The following KCNE1 variants were observed in gnomAD, a reference collection of about 807,000 sequenced individuals.
The protein encoded by KCNE1 is potassium voltage-gated channel subfamily E member 1.
In KCNE1, 1 loss-of-function variant was observed where a neutral mutation model predicts 2.9. That is an observed-to-expected ratio of 0.34 (90% CI 0.12 to 1.62). KCNE1 has a LOEUF of 1.62. Ranked by LOEUF, KCNE1 falls within the 40% of genes most tolerant of loss-of-function variation. KCNE1 has a pLI of 0.36. For synonymous variants in KCNE1, 23 were observed against 65.4 expected (o/e 0.35, Z 3.13); for missense variants, 45 against 150.5 (o/e 0.30, Z 3.67).
intron 2 of KCNE1, among the ~76,000 whole-genome samples, chr21:34,503,376 A>T (rs1269637383): frequency 6.6e-6 from 1 of 152,104 alleles, no homozygotes; most frequent in African/African-American, 2.4e-5. Flanking sequence ...CCTCCTAGGG[A>T]CCACCCTCCA....
intron 1 of KCNE1, among the ~76,000 whole-genome samples, chr21:34,511,536 G>A (rs532976484): frequency 6.6e-6 from 1 of 150,480 alleles, no homozygotes; most frequent in South Asian, 2.1e-4. Context: ...GCCAGATGTG[G>A]CCCCTCCATC....
intron 2 of KCNE1, among the ~76,000 whole-genome samples, chr21:34,499,271 C>A (rs956374712): frequency 6.6e-6 from 1 of 152,228 alleles, no homozygotes; most frequent in Non-Finnish European, 1.5e-5. Flanking sequence ...TATCTCTGGG[C>A]AGCTTATGCT....
At chr21:34,501,790 C>G (rs1983184469) in intron 2 of KCNE1, among the ~76,000 whole-genome samples, 1 of 152,176 alleles carries the variant, frequency 6.6e-6, no homozygotes, top group African/African-American at 2.4e-5. Context: ...TGATCTCACC[C>G]CTAGCAGGCC....
intron 2 of KCNE1, among the ~76,000 whole-genome samples, chr21:34,502,213 G>C (rs933484995): frequency 6.6e-6 from 1 of 152,062 alleles, no homozygotes; most frequent in East Asian, 1.9e-4. Flanking sequence ...TTGGTAGAAG[G>C]GTAGTCTACT....
intron 2 of KCNE1, among the ~76,000 whole-genome samples, chr21:34,507,117 T>G (rs1045036871): frequency 6.6e-6 from 1 of 152,216 alleles, no homozygotes; most frequent in Non-Finnish European, 1.5e-5. Flanking sequence ...GAAGACTTGA[T>G]GCTTTCAAAA....
intron 2 of KCNE1, among the ~76,000 whole-genome samples, chr21:34,496,748 G>A (rs1158860800): frequency 6.6e-6 from 1 of 152,084 alleles, no homozygotes; most frequent in Non-Finnish European, 1.5e-5. Context: ...ATCTAGTGCT[G>A]TCAGTGGAGT....
At chr21:34,507,326 A>G (rs914037855) in intron 2 of KCNE1, among the ~76,000 whole-genome samples, 1 of 152,210 alleles carries the variant, frequency 6.6e-6, no homozygotes, top group African/African-American at 2.4e-5. Context: ...TTTTATGGCC[A>G]TAGCTTGAGT....
intron 2 of KCNE1, among the ~76,000 whole-genome samples, chr21:34,498,383 C>A (rs546205698): frequency 6.6e-6 from 1 of 152,218 alleles, no homozygotes; most frequent in South Asian, 2.1e-4. Flanking sequence ...ATTCTTTTGT[C>A]CCACAGGTGA....
intron 2 of KCNE1, among the ~76,000 whole-genome samples, chr21:34,497,410 A>G (rs935979738): frequency 1.3e-5 from 2 of 152,164 alleles, no homozygotes; most frequent in African/African-American, 4.8e-5. Flanking sequence ...TATTTGTCTG[A>G]AAAAGACTTT....
Position 34,511,084 on chromosome 21 carries a change from C to T in KCNE1, c.-162+17G>A. The T allele has an allele frequency of 1.1e-6, 1 of 944,556 alleles. No homozygotes were observed. The allele number at this position is 944,556 out of a possible 1,614,324, so 58.5% of individuals were successfully genotyped here. A position where few individuals can be genotyped will look rare whatever the true frequency, so the allele number is the denominator to read the frequency against. ...TGCCTAACTGAGGAAAGGGTCTGTG[C>T]AACCCCCTTCTCCTACCAGTTCTCG... On this transcript the variant is annotated intron_variant, in intron 2 of 3. Coordinates refer to ENST00000399286, the MANE Select transcript of KCNE1 (RefSeq NM_000219.6).
At chr21:34,508,404 G>A (rs779883331) in intron 2 of KCNE1, among the ~76,000 whole-genome samples, 7 of 151,946 alleles carry the variant, frequency 4.6e-5, no homozygotes, top group Non-Finnish European at 8.8e-5. Flanking sequence ...GTGCAATGGC[G>A]CCATCTCAGC....
intron 2 of KCNE1, among the ~76,000 whole-genome samples, chr21:34,508,426 T>G (rs1436293969): frequency 6.6e-6 from 1 of 152,114 alleles, no homozygotes; most frequent in Non-Finnish European, 1.5e-5. Flanking sequence ...CACTGCAAAC[T>G]CCACCTCCTG....
At chr21:34,496,643 G>A (rs1982828639) in intron 2 of KCNE1, among the ~76,000 whole-genome samples, 1 of 152,154 alleles carries the variant, frequency 6.6e-6, no homozygotes, top group African/African-American at 2.4e-5. Context: ...TGCAGTTGTT[G>A]AGTAGAATGT....
At chr21:34,501,897 C>A (rs1459740761) in intron 2 of KCNE1, among the ~76,000 whole-genome samples, 1 of 152,234 alleles carries the variant, frequency 6.6e-6, no homozygotes, top group Non-Finnish European at 1.5e-5. Context: ...ACACTCTGGA[C>A]TGTAGTAACA....
chr21:34,497,891 T>C (rs977994568), intron 2 of KCNE1, among the ~76,000 whole-genome samples: 10 of 152,128 alleles, frequency 6.6e-5, no homozygotes, highest in Non-Finnish European at 1.2e-4. Context: ...TTTTTTCTTT[T>C]TTTTGGTTTT....
chr21:34,497,112 A>G (rs1196797627), intron 2 of KCNE1, among the ~76,000 whole-genome samples: 1 of 152,134 alleles, frequency 6.6e-6, no homozygotes, highest in African/African-American at 2.4e-5. Flanking sequence ...ATTTTTATCT[A>G]TTCTTCCATT....
Position 34,450,077 on chromosome 21 carries a change from G to A in KCNE1, c.-50-393C>T, listed in dbSNP as rs757268442. On this transcript the variant is annotated intron_variant, in intron 3 of 3. Coordinates refer to ENST00000399286, the MANE Select transcript of KCNE1 (RefSeq NM_000219.6). ...GCTTTTGTGGCTCACTTGCGGTGCT[G>A]GGTGTGTGCATTCCCTTGCTTCCAA... 3.0e-4 allele frequency among the ~76,000 whole-genome samples: 28 copies of A among 93,120 alleles called. 6 individuals are homozygous for A. The highest frequency in any genetic ancestry group is 6.3e-4 in the Non-Finnish European group (26 of 41,160). 61.1% of individuals were successfully genotyped at this position (93,120 alleles called of 152,430 possible).
rs41312965 is a variant in KCNE1, at chr21:34,507,337, C to G, written c.-162+3764G>C. Among the ~76,000 whole-genome samples the G allele has an allele frequency of 1.1e-3, 165 of 152,212 alleles. No individual in the cohort carries two copies. The Middle Eastern group carries it at 0.017, about 16-fold the overall frequency. On this transcript the variant is annotated intron_variant, in intron 2 of 3. Transcript: ENST00000399286. ...CACCTTTTATGGCCATAGCTTGAGT[C>G]ACTGTGTGGACAGGCGTGCTCATCA...
chr21:34,496,717 G>T (rs1039501786), intron 2 of KCNE1, among the ~76,000 whole-genome samples: 3 of 152,044 alleles, frequency 2.0e-5, no homozygotes, highest in Admixed American at 2.0e-4. Context: ...TTTCTTTGTT[G>T]ACTTCCTGTC....
Sources: gnomAD v4.1 joint callset for allele counts (sites outside exome capture counted in the v4.1 genomes callset) on GRCh38, gnomAD v4.1.1 for gene constraint, MANE v1.5 for transcripts, NCBI Gene and HGNC (gene_info 2026-07-23, HGNC 2026-07-21) for gene names.